The following RAB38 variants were observed in gnomAD, a reference collection of about 807,000 sequenced individuals.
The protein encoded by RAB38 is RAB38, member RAS oncogene family.
A neutral mutation model predicts 18.4 loss-of-function variants in RAB38; 15 were observed. The observed-to-expected ratio is 0.82, with a 90% CI of 0.55 to 1.26. RAB38 has a LOEUF of 1.26. RAB38 is among the 50% of genes most tolerant of loss of function. The pLI is 0.00. For missense variants in RAB38, 294 were observed against 267.4 expected (o/e 1.10, Z -0.69); for synonymous variants, 101 against 104.4 (o/e 0.97, Z 0.20).
At chr11:87,842,006 C>T in the RAB38 span, among the ~76,000 whole-genome samples, 1 of 151,372 alleles carries the variant, frequency 6.6e-6, no homozygotes, top group African/African-American at 2.4e-5. Context: ...TTCTATTTTT[C>T]TTCAAAACAC....
chr11:88,085,945 G>A, the RAB38 span, among the ~76,000 whole-genome samples: 4 of 152,030 alleles, frequency 2.6e-5, no homozygotes, highest in East Asian at 5.8e-4. Flanking sequence ...CTACAGAAGA[G>A]AAAGGCAGCT....
chr11:87,885,255 C>T, the RAB38 span, among the ~76,000 whole-genome samples: 3 of 149,726 alleles, frequency 2.0e-5, no homozygotes, highest in Non-Finnish European at 4.4e-5. Context: ...GCTCTCTCTG[C>T]TTTGGATTCA....
chr11:87,823,885 T>C, the RAB38 span, among the ~76,000 whole-genome samples: 4 of 152,258 alleles, frequency 2.6e-5, no homozygotes, highest in East Asian at 7.7e-4. Context: ...TAAGTACATA[T>C]TATATAATAT....
chr11:88,021,203 C>T, the RAB38 span, among the ~76,000 whole-genome samples: 181 of 152,102 alleles, frequency 1.2e-3, no homozygotes, highest in African/African-American at 4.3e-3. Context: ...ACTTTAGCCA[C>T]ACTAAGAAAG....
the RAB38 span, among the ~76,000 whole-genome samples, chr11:87,878,248 TA>T: frequency 1.9e-5 from 2 of 107,348 alleles, no homozygotes; most frequent in African/African-American, 4.8e-5. Flanking sequence ...CACACACACC[TA>T]TCATCTATCT....
the RAB38 span, among the ~76,000 whole-genome samples, chr11:88,040,441 T>A: frequency 6.6e-6 from 1 of 152,152 alleles, no homozygotes; most frequent in African/African-American, 2.4e-5. Flanking sequence ...TCAGGCCAGG[T>A]GAGGTGGCTA....
At chr11:87,953,295 T>TAGTGATGAATGTATA in the RAB38 span, among the ~76,000 whole-genome samples, 3 of 152,138 alleles carry the variant, frequency 2.0e-5, no homozygotes, top group Admixed American at 6.5e-5. Flanking sequence ...GTATATCAAG[T>TAGTGATGAATGTATA]AGTGATGAAT....
At chr11:88,025,080 A>G in the RAB38 span, among the ~76,000 whole-genome samples, 1 of 152,024 alleles carries the variant, frequency 6.6e-6, no homozygotes, top group African/African-American at 2.4e-5. Context: ...ATTTTCCATG[A>G]TGCGATTATT....
chr11:88,110,416 A>G (rs1435544619), downstream of RAB38, among the ~76,000 whole-genome samples: 1 of 152,148 alleles, frequency 6.6e-6, no homozygotes, highest in African/African-American at 2.4e-5. Context: ...AGAAATACCT[A>G]ATGCAGATGA....
chr11:87,975,302 T>G, the RAB38 span, among the ~76,000 whole-genome samples: 2 of 151,900 alleles, frequency 1.3e-5, no homozygotes, highest in African/African-American at 4.8e-5. Context: ...TTTAGGCGGA[T>G]ACGACTCAGC....
At chr11:87,816,702 A>G in the RAB38 span, among the ~76,000 whole-genome samples, 2 of 152,116 alleles carry the variant, frequency 1.3e-5, no homozygotes, top group Non-Finnish European at 2.9e-5. Flanking sequence ...GTGTGTATAG[A>G]GAGAGAAAGA....
chr11:87,806,949 A>G, the RAB38 span, among the ~76,000 whole-genome samples: 1 of 152,196 alleles, frequency 6.6e-6, no homozygotes, highest in East Asian at 1.9e-4. Context: ...GTACAAGACT[A>G]TAGCCTGTTA....
At chr11:87,833,772 A>G in the RAB38 span, among the ~76,000 whole-genome samples, 9 of 152,182 alleles carry the variant, frequency 5.9e-5, no homozygotes, top group Non-Finnish European at 8.8e-5. Context: ...AATAAGTAAC[A>G]TTGCTATTAT....
At chr11:88,089,123 ACCTT>A in the RAB38 span, among the ~76,000 whole-genome samples, 2 of 151,984 alleles carry the variant, frequency 1.3e-5, no homozygotes, top group Non-Finnish European at 2.9e-5. Context: ...ACAAATAAAT[ACCTT>A]CCTTCTCATG....
the RAB38 span, among the ~76,000 whole-genome samples, chr11:87,820,739 A>C: frequency 4.0e-4 from 61 of 152,336 alleles, no homozygotes; most frequent in African/African-American, 1.4e-3. Context: ...TCACATAATA[A>C]AATAATCAGA....
the RAB38 span, among the ~76,000 whole-genome samples, chr11:87,974,800 GA>G: frequency 1.1e-4 from 16 of 145,258 alleles, no homozygotes; most frequent in East Asian, 1.0e-3. Context: ...ATGATGATCA[GA>G]AAAAAAAAGG....
chr11:88,016,134 GCAA>G, the RAB38 span, among the ~76,000 whole-genome samples: 4 of 152,132 alleles, frequency 2.6e-5, no homozygotes, highest in East Asian at 5.8e-4. Flanking sequence ...CAGAATTCTG[GCAA>G]CAACAATAGC....
the RAB38 span, among the ~76,000 whole-genome samples, chr11:87,845,163 A>G: frequency 1.3e-5 from 2 of 152,232 alleles, no homozygotes; most frequent in Non-Finnish European, 2.9e-5. Flanking sequence ...AGTTTAAGAT[A>G]CAACCCAAAA....
the RAB38 span, among the ~76,000 whole-genome samples, chr11:87,976,922 A>ATGTT: frequency 0.04 from 4 of 100 alleles, 1 homozygote; most frequent in Non-Finnish European, 0.14. Flanking sequence ...TATATATTAT[A>ATGTT]ATTACATTAT....
Sources: allele counts gnomAD v4.1 joint callset (sites outside exome capture counted in the v4.1 genomes callset), GRCh38; gene constraint gnomAD v4.1.1; transcripts MANE v1.5; gene names NCBI Gene and HGNC (gene_info 2026-07-23, HGNC 2026-07-21).